Variants in SLC14A2 observed in about 807,000 individuals in gnomAD.
SLC14A2 encodes solute carrier family 14 member 2.
In SLC14A2, 91 loss-of-function variants were observed where a neutral mutation model predicts 104.6. The ratio of observed to expected loss-of-function variants is 0.87; its 90% CI spans 0.73 to 1.04. The LOEUF (loss-of-function observed/expected upper bound fraction) is 1.04. Ranked by LOEUF, SLC14A2 falls within the 50% of genes least tolerant of loss-of-function variation. The probability of loss-of-function intolerance (pLI) is 0.00; values close to 1 mark genes in which losing one functional copy is unlikely to be tolerated. For missense variants in SLC14A2, 1,189 were observed against 1,156.0 expected, an observed-to-expected ratio of 1.03 and a Z score of -0.41; for synonymous variants, 476 against 466.4, an observed-to-expected ratio of 1.02 and a Z score of -0.27.
At chr18:45,453,857 T>G (rs1276974507) in intron 1 of SLC14A2, among the ~76,000 whole-genome samples, 37 of 6,260 alleles carry the variant, frequency 5.9e-3, no homozygotes, top group Admixed American at 0.028. Context: ...GTTTTTTTTT[T>G]TTTTTTTTTT....
At chr18:45,596,734 G>A (rs545897074) in intron 2 of SLC14A2, among the ~76,000 whole-genome samples, 69 of 152,224 alleles carry the variant, frequency 4.5e-4, no homozygotes, top group African/African-American at 1.6e-3. Flanking sequence ...CCAGATCATC[G>A]AAGGTAATCG....
At chr18:45,474,218 G>A (rs57067252) in intron 1 of SLC14A2, among the ~76,000 whole-genome samples, 1 of 152,248 alleles carries the variant, frequency 6.6e-6, no homozygotes, top group East Asian at 1.9e-4. Context: ...TGCATCCCGG[G>A]GTTGAAGCCC....
intron 1 of SLC14A2, among the ~76,000 whole-genome samples, chr18:45,402,310 C>G (rs1480458198): frequency 6.6e-6 from 1 of 152,144 alleles, no homozygotes; most frequent in African/African-American, 2.4e-5. Flanking sequence ...TTTAATTATT[C>G]CGTATGAAGT....
chr18:45,632,145 T>TTGTG lies in SLC14A2; in HGVS notation c.522-183_522-180dup, dbSNP rs34666828. Among the ~76,000 whole-genome samples the TTGTG allele has an allele frequency of 2.8e-4, 32 of 113,674 alleles. No individual in the cohort carries two copies. In the East Asian group the frequency reaches 4.2e-3, roughly 15 times the overall value. The allele number at this position is 113,674 out of a possible 152,430, so 74.6% of individuals were successfully genotyped here. On this transcript the variant is annotated intron_variant, in intron 4 of 19. Transcript: ENST00000255226. Reference sequence around the variant, plus strand: ...AAGACAAGGGTGTGTGTGTGTGTGTTTGTGTGTGTGTGTGTGTGTGTGTGT... The same window carrying TTGTG: ...AAGACAAGGGTGTGTGTGTGTGTGTTTGTGTGTGTGTGTGTGTGTGTGTGTGTGT...
intron 1 of SLC14A2, among the ~76,000 whole-genome samples, chr18:45,448,495 G>A (rs771213049): frequency 1.3e-5 from 2 of 152,168 alleles, no homozygotes; most frequent in Admixed American, 6.5e-5. Flanking sequence ...GAAAACACAT[G>A]AAATGATTTG....
At chr18:45,656,666 G>C (rs1310958266) in intron 10 of SLC14A2, among the ~76,000 whole-genome samples, 1 of 152,130 alleles carries the variant, frequency 6.6e-6, no homozygotes, top group African/African-American at 2.4e-5. Context: ...GTTAGAGATG[G>C]GGTGCTCTGA....
intron 1 of SLC14A2, among the ~76,000 whole-genome samples, chr18:45,337,274 C>T (rs2085346709): frequency 6.6e-6 from 1 of 151,974 alleles, no homozygotes; most frequent in African/African-American, 2.4e-5. Flanking sequence ...GCAAACTGAC[C>T]CATGCCGATT....
chr18:45,324,476 TCCATCCTGGCC>T (rs2085215239), intron 1 of SLC14A2, among the ~76,000 whole-genome samples: 1 of 152,204 alleles, frequency 6.6e-6, no homozygotes, highest in South Asian at 2.1e-4. Context: ...GCCTCTGAAC[TCCATCCTGGCC>T]TCACCCCATC....
chr18:45,515,316 A>G (rs940726204), intron 2 of SLC14A2: 1 of 152,234 alleles, frequency 6.6e-6, no homozygotes, highest in African/African-American at 2.4e-5. Context: ...CAATGATTAT[A>G]GAGAGTGTAG....
intron 1 of SLC14A2, among the ~76,000 whole-genome samples, chr18:45,276,276 T>A (rs1436318866): frequency 6.6e-6 from 1 of 152,244 alleles, no homozygotes; most frequent in Non-Finnish European, 1.5e-5. Context: ...GTGAATCAGA[T>A]GCTATGCTAA....
intron 1 of SLC14A2, among the ~76,000 whole-genome samples, chr18:45,220,615 C>T (rs991360042): frequency 6.6e-6 from 1 of 152,182 alleles, no homozygotes; most frequent in Non-Finnish European, 1.5e-5. Context: ...ATTTGGGATA[C>T]AAGTCACCAT....
chr18:45,606,712 C>A (rs1177089320), intron 2 of SLC14A2, among the ~76,000 whole-genome samples: 1 of 145,620 alleles, frequency 6.9e-6, no homozygotes, highest in Non-Finnish European at 1.5e-5. Flanking sequence ...TACCTAAATG[C>A]CTATAACTGA....
At chr18:45,274,653 T>C (rs2084684174) in intron 1 of SLC14A2, among the ~76,000 whole-genome samples, 1 of 152,222 alleles carries the variant, frequency 6.6e-6, no homozygotes, top group Non-Finnish European at 1.5e-5. Context: ...GATGTCTGGG[T>C]TGGGACTACC....
intron 16 of SLC14A2, among the ~76,000 whole-genome samples, chr18:45,672,234 T>TA (rs371834929): frequency 7.3e-5 from 11 of 151,626 alleles, no homozygotes; most frequent in African/African-American, 2.4e-4. Context: ...TTTTTAGCTT[T>TA]AAAAAAAAAT....
chr18:45,628,696 G>A (rs1002458239), intron 4 of SLC14A2, among the ~76,000 whole-genome samples: 5 of 152,076 alleles, frequency 3.3e-5, no homozygotes, highest in South Asian at 2.1e-4. Flanking sequence ...AGTTAATAGC[G>A]TAAAATAAAA....
intron 1 of SLC14A2, among the ~76,000 whole-genome samples, chr18:45,337,098 G>A (rs1459579540): frequency 6.6e-6 from 1 of 152,042 alleles, no homozygotes; most frequent in African/African-American, 2.4e-5. Context: ...TAAGCAGGAT[G>A]GGAGTTCAGA....
intron 1 of SLC14A2, among the ~76,000 whole-genome samples, chr18:45,216,240 G>A (rs28461409): frequency 0.11 from 16,556 of 152,194 alleles, 929 homozygotes; most frequent in Non-Finnish European, 0.12. Flanking sequence ...AATATTTAGT[G>A]AATTTCAAGT....
In SLC14A2 at chr18:45,624,759, C is replaced by T. The variant is rs1432565943; in HGVS notation, c.95C>T (p.Ser32Leu). Residue 32 changes from serine to leucine, a missense_variant, in exon 2 of 20, where the codon TCG becomes TTG. Ser to Leu is a moderately radical substitution (Grantham distance 145). Transcript: ENST00000255226. Reference protein sequence around the residue: ...EAEFTSPSWPSTSPDTHPALP... With the variant: ...EAEFTSPSWPLTSPDTHPALP... ...GAGTTTACCAGCCCGAGCTGGCCCT[C>T]GACATCCCCGGATACTCACCCAGCT... The T allele has an allele frequency of 3.1e-6, 5 of 1,613,310 alleles. No individual in the cohort carries two copies. In the East Asian group the frequency reaches 6.7e-5, roughly 22 times the overall value.
chr18:45,663,606 A>G (rs1001645035), intron 10 of SLC14A2, among the ~76,000 whole-genome samples, 179 bp from the exon 11 acceptor site: 1 of 152,184 alleles, frequency 6.6e-6, no homozygotes, highest in Admixed American at 6.5e-5. Flanking sequence ...AGAAGTTTTA[A>G]TGGGAGAAAT....
Sources: gnomAD v4.1 joint callset for allele counts (sites outside exome capture counted in the v4.1 genomes callset) on GRCh38, gnomAD v4.1.1 for gene constraint, MANE v1.5 for transcripts, NCBI Gene and HGNC (gene_info 2026-07-23, HGNC 2026-07-21) for gene names.